The following ELP4 variants were observed in gnomAD, a reference collection of about 807,000 sequenced individuals.
ELP4 encodes elongator complex protein 4.
A neutral mutation model predicts 48.9 loss-of-function variants in ELP4; 51 were observed. That is an observed-to-expected ratio of 1.04 (90% CI 0.83 to 1.32). The LOEUF (loss-of-function observed/expected upper bound fraction) is 1.32. ELP4 is among the 40% of genes most tolerant of loss of function. The pLI is 0.00. For synonymous variants in ELP4, 210 were observed against 189.2 expected (o/e 1.11, Z -0.90); for missense variants, 519 against 514.6 (o/e 1.01, Z -0.08).
chr11:31,688,851 A>G (rs749461858), intron 9 of ELP4, among the ~76,000 whole-genome samples: 9 of 152,208 alleles, frequency 5.9e-5, no homozygotes, highest in South Asian at 4.2e-4. Context: ...AAAGAAAACA[A>G]ATTTGTGAGG....
At chr11:31,539,315 A>C (rs1007501840) in intron 2 of ELP4, among the ~76,000 whole-genome samples, 6 of 152,280 alleles carry the variant, frequency 3.9e-5, no homozygotes, top group South Asian at 2.1e-4. Context: ...ATACAGAAAA[A>C]TTAGCCGGGC....
At chr11:31,683,218 A>G (rs750019035) in intron 9 of ELP4, among the ~76,000 whole-genome samples, 1 of 152,146 alleles carries the variant, frequency 6.6e-6, no homozygotes, top group African/African-American at 2.4e-5. Context: ...TCTATGGCAT[A>G]TCTTGTAAGT....
intron 9 of ELP4, among the ~76,000 whole-genome samples, chr11:31,752,738 G>A (rs1169229347): frequency 6.6e-6 from 1 of 151,792 alleles, no homozygotes; most frequent in African/African-American, 2.4e-5. Flanking sequence ...GGAGGCTGAG[G>A]CAGGAGAATG....
intron 3 of ELP4, among the ~76,000 whole-genome samples, chr11:31,586,696 C>T (rs1332019920): frequency 5.3e-5 from 8 of 151,732 alleles, no homozygotes; most frequent in Non-Finnish European, 1.0e-4. Flanking sequence ...GGCTGGAGTG[C>T]AGTGGCGCAA....
At chr11:31,717,618 G>C (rs1406668215) in intron 9 of ELP4, among the ~76,000 whole-genome samples, 1 of 152,008 alleles carries the variant, frequency 6.6e-6, no homozygotes, top group Non-Finnish European at 1.5e-5. Flanking sequence ...GCTGGGTGTG[G>C]TGGCACACGC....
At chr11:31,647,576 T>C (rs1945229115) in intron 7 of ELP4, 165 bp from the exon 8 acceptor site, 2 of 511,440 alleles carry the variant, frequency 3.9e-6, no homozygotes, top group Non-Finnish European at 7.0e-6. Context: ...TAAGGGCATA[T>C]TTCCATCCAG....
chr11:31,647,668 A>C, intron 7 of ELP4, 73 bp from the exon 8 acceptor site: 1 of 915,054 alleles, frequency 1.1e-6, no homozygotes, highest in Non-Finnish European at 1.8e-6. Context: ...ATGAGATGGC[A>C]TAGGGATATT....
At chr11:31,695,624 T>G (rs181685472) in intron 9 of ELP4, among the ~76,000 whole-genome samples, 2,713 of 150,350 alleles carry the variant, frequency 0.018, 83 homozygotes, top group African/African-American at 0.062. Context: ...ATTATCTTTT[T>G]TTGTTGTTGT....
chr11:31,561,113 C>T (rs1415526146), intron 3 of ELP4, among the ~76,000 whole-genome samples: 1 of 152,140 alleles, frequency 6.6e-6, no homozygotes, highest in East Asian at 1.9e-4. Flanking sequence ...TACATGTATA[C>T]ATAATACACA....
intron 3 of ELP4, among the ~76,000 whole-genome samples, chr11:31,544,845 G>A (rs1418337316): frequency 2.0e-5 from 3 of 152,158 alleles, no homozygotes; most frequent in Non-Finnish European, 1.5e-5. Context: ...CGCGGTTCAC[G>A]AAAAACCACT....
At chr11:31,739,313 A>G (rs1947395442) in intron 9 of ELP4, among the ~76,000 whole-genome samples, 1 of 152,192 alleles carries the variant, frequency 6.6e-6, no homozygotes, top group Non-Finnish European at 1.5e-5. Flanking sequence ...TCATTTTCAA[A>G]GTGTGAGACT....
chr11:31,620,718 G>C (rs998598661), intron 5 of ELP4, among the ~76,000 whole-genome samples: 2 of 151,932 alleles, frequency 1.3e-5, no homozygotes, highest in African/African-American at 4.8e-5. Context: ...GTGATGTCAA[G>C]CTGAGTTATT....
intron 7 of ELP4, chr11:31,633,122 A>G (rs985229957): frequency 1.3e-5 from 2 of 152,118 alleles, no homozygotes; most frequent in African/African-American, 4.8e-5. Flanking sequence ...TTTCCTAGAT[A>G]TTCAGTAAAT....
intron 2 of ELP4, among the ~76,000 whole-genome samples, chr11:31,531,568 A>G (rs1956396234): frequency 6.6e-6 from 1 of 152,200 alleles, no homozygotes; most frequent in African/African-American, 2.4e-5. Context: ...GAATTTATAC[A>G]AGGGTCCTGA....
At chr11:31,716,717 G>C (rs1384929403) in intron 9 of ELP4, among the ~76,000 whole-genome samples, 1 of 152,142 alleles carries the variant, frequency 6.6e-6, no homozygotes, top group East Asian at 1.9e-4. Flanking sequence ...TCAAGTACCT[G>C]CAATGTACCT....
At chr11:31,577,984 A>G (rs1438610273) in intron 3 of ELP4, among the ~76,000 whole-genome samples, 1 of 152,204 alleles carries the variant, frequency 6.6e-6, no homozygotes, top group East Asian at 1.9e-4. Flanking sequence ...GTGTTTAATT[A>G]GAAAAAGAGG....
chr11:31,722,731 C>T (rs1017166838), intron 9 of ELP4, among the ~76,000 whole-genome samples: 25 of 152,016 alleles, frequency 1.6e-4, no homozygotes, highest in South Asian at 8.3e-4. Context: ...CTCTCTTTCT[C>T]TCTCCCCCTT....
chr11:31,530,011 T>G (rs1176553903), intron 2 of ELP4, among the ~76,000 whole-genome samples: 3 of 152,216 alleles, frequency 2.0e-5, no homozygotes, highest in African/African-American at 7.2e-5. Context: ...AACTGATCTC[T>G]GCCACTCTTC....
intron 9 of ELP4, among the ~76,000 whole-genome samples, chr11:31,682,937 T>G (rs1946085131): frequency 6.6e-6 from 1 of 152,192 alleles, no homozygotes; most frequent in Non-Finnish European, 1.5e-5. Flanking sequence ...GGTAAGTTTC[T>G]TGAGGTCAGA....
Sources: allele counts gnomAD v4.1 joint callset (sites outside exome capture counted in the v4.1 genomes callset), GRCh38; gene constraint gnomAD v4.1.1; transcripts MANE v1.5; gene names NCBI Gene and HGNC (gene_info 2026-07-23, HGNC 2026-07-21).